The following IL36B variants were observed in gnomAD, a reference collection of about 807,000 sequenced individuals.
IL36B encodes interleukin 36 beta.
A neutral mutation model predicts 19.3 loss-of-function variants in IL36B; 23 were observed. The ratio of observed to expected loss-of-function variants is 1.19; its 90% CI spans 0.86 to 1.69. The LOEUF is 1.69. IL36B is among the 40% of genes most tolerant of loss of function. The probability of loss-of-function intolerance (pLI) is 0.00; values close to 1 mark genes in which losing one functional copy is unlikely to be tolerated. For missense variants in IL36B, 217 were observed against 200.5 expected, an observed-to-expected ratio of 1.08 and a Z score of -0.50; for synonymous variants, 59 against 59.7, an observed-to-expected ratio of 0.99 and a Z score of 0.05.
chr2:113,026,850 T>C (rs745689406), intron 4 of IL36B, among the ~76,000 whole-genome samples: 1 of 152,204 alleles, frequency 6.6e-6, no homozygotes, highest in Non-Finnish European at 1.5e-5. Flanking sequence ...ATATAAATGA[T>C]TTTTTAAAAT....
Position 113,027,421 on chromosome 2 carries a change from A to G in IL36B, c.262-1189T>C. The G allele has an allele frequency of 1.0e-6, 1 of 967,856 alleles. No homozygotes were observed. The highest frequency in any genetic ancestry group is 1.2e-6 in the Non-Finnish European group (1 of 805,360). 60.0% of individuals were successfully genotyped at this position (967,856 alleles called of 1,614,324 possible). A position where few individuals can be genotyped will look rare whatever the true frequency, so the allele number is the denominator to read the frequency against. The stretch of plus-strand genomic sequence containing the variant: ...GTGTGTCAAATTATTAACGAATGAC[A>G]TTAAGAATTCATTAGGATTAGAAAG... On this transcript the variant is annotated intron_variant, in intron 4 of 5. Coordinates refer to ENST00000259213, the MANE Select transcript of IL36B (RefSeq NM_014438.5).
intron 1 of IL36B, among the ~76,000 whole-genome samples, chr2:113,051,480 G>A (rs1315241210): frequency 3.3e-5 from 5 of 152,082 alleles, no homozygotes; most frequent in African/African-American, 1.2e-4. Context: ...GACTGCCCAC[G>A]CGCTCTCTCA....
chr2:113,041,864 T>C (rs1170821447), intron 1 of IL36B, among the ~76,000 whole-genome samples: 1 of 152,226 alleles, frequency 6.6e-6, no homozygotes, highest in African/African-American at 2.4e-5. Context: ...GAGATCCTCC[T>C]GCCTCAGCCT....
At chr2:113,052,429 C>G (rs1685465471) in intron 1 of IL36B, among the ~76,000 whole-genome samples, 3 of 152,174 alleles carry the variant, frequency 2.0e-5, no homozygotes, top group African/African-American at 7.2e-5. Flanking sequence ...GTACCAATAC[C>G]AGGTCCATCT....
At chr2:113,028,379 G>A (rs1276704940) in intron 4 of IL36B, among the ~76,000 whole-genome samples, 3 of 152,160 alleles carry the variant, frequency 2.0e-5, no homozygotes, top group African/African-American at 7.2e-5. Flanking sequence ...ACAGAGGGAG[G>A]TTGAAATCTC....
At chr2:113,046,208 CTTTTTTTT>C (rs1179343491) in intron 1 of IL36B, among the ~76,000 whole-genome samples, 64 of 11,190 alleles carry the variant, frequency 5.7e-3, no homozygotes, top group Non-Finnish European at 8.7e-3. Flanking sequence ...CAGGTTTTTT[CTTTTTTTT>C]TTTTTTTTTT....
At chr2:113,024,596 T>A (rs1684920289) in intron 5 of IL36B, among the ~76,000 whole-genome samples, 1 of 152,150 alleles carries the variant, frequency 6.6e-6, no homozygotes, top group African/African-American at 2.4e-5. Flanking sequence ...TGAGGACACC[T>A]CTTGAGTCTT....
At chr2:113,032,199 G>T (rs556706045) in intron 1 of IL36B, among the ~76,000 whole-genome samples, 1 of 150,136 alleles carries the variant, frequency 6.7e-6, no homozygotes, top group African/African-American at 2.5e-5. Flanking sequence ...CACACAGCAG[G>T]TTAATCACCA....
rs561895607 is a variant in IL36B, at chr2:113,041,362, A to C, written c.-57-9596T>G. Reference sequence around the variant, plus strand: ...CCAGTGGGAGAAAGAGATACCTTTTAAACAAACAGTGCCAGAACAATTAGA... The same window carrying C: ...CCAGTGGGAGAAAGAGATACCTTTTCAACAAACAGTGCCAGAACAATTAGA... On this transcript the variant is annotated intron_variant, in intron 1 of 5. Coordinates refer to ENST00000259213, the MANE Select transcript of IL36B (RefSeq NM_014438.5). 3.9e-5 allele frequency among the ~76,000 whole-genome samples: 6 copies of C among 152,318 alleles called. No individual in the cohort carries two copies. In the East Asian group the frequency reaches 1.2e-3, roughly 29 times the overall value.
At position 113,031,166 on chromosome 2, in the gene IL36B, AC is replaced by A. The variant is rs1424427306; in HGVS notation, c.14-12del. 1.3e-6 allele frequency: 2 copies of A among 1,566,238 alleles called. No homozygotes were observed. The highest frequency in any genetic ancestry group is 2.2e-5 in the South Asian group (2 of 90,088). On this transcript the variant is annotated splice_polypyrimidine_tract_variant and intron_variant, in intron 2 of 5. Transcript: ENST00000259213. ...TGGGTGCTGCCTCCCCTGCCAGATG[AC>A]AAAAATGCACAAAATACACGTGAGG...
In IL36B at chr2:113,026,210, A is replaced by G. The variant is rs201657963; in HGVS notation, c.284T>C (p.Ile95Thr). 303 of 1,613,628 alleles carry G rather than the reference A, an allele frequency of 1.9e-4. No individual in the cohort carries two copies. The highest frequency in any genetic ancestry group is 2.4e-4 in the Non-Finnish European group (278 of 1,179,768). ...TAGTTTCCAGCAAGTGTCCTTCCCT[A>G]TGTTATCTTGGGAGCCCTGAAGCTG... is the stretch of plus-strand genomic sequence containing the variant. The change falls in exon 5 of 6, where the codon ATA becomes ACA. Residue 95 changes from isoleucine (I) to threonine (T), a missense_variant. By Grantham distance (89) the Ile-to-Thr change is moderately conservative. Coordinates refer to ENST00000259213, the MANE Select transcript of IL36B (RefSeq NM_014438.5).
At chr2:113,039,201 G>A (rs564778732) in intron 1 of IL36B, among the ~76,000 whole-genome samples, 1 of 152,256 alleles carries the variant, frequency 6.6e-6, no homozygotes, top group African/African-American at 2.4e-5. Context: ...TGTGAGGGAT[G>A]AGACAGGCAC....
intron 1 of IL36B, among the ~76,000 whole-genome samples, chr2:113,048,451 A>C (rs1049903724): frequency 6.6e-6 from 1 of 152,166 alleles, no homozygotes; most frequent in Non-Finnish European, 1.5e-5. Context: ...CAAACAAAAA[A>C]CAAAAAACAC....
intron 1 of IL36B, among the ~76,000 whole-genome samples, chr2:113,037,373 G>A (rs1685182758): frequency 6.6e-6 from 1 of 152,166 alleles, no homozygotes; most frequent in Non-Finnish European, 1.5e-5. Flanking sequence ...ATTGAGGCTG[G>A]GTGTGGTGGC....
Position 113,041,229 on chromosome 2 carries a change from C to T in IL36B, c.-57-9463G>A, listed in dbSNP as rs36100772. Among the ~76,000 whole-genome samples the T allele has an allele frequency of 9.9e-3, 1,496 of 150,964 alleles. 16 individuals carry two copies. The highest frequency in any genetic ancestry group is 0.014 in the Non-Finnish European group (938 of 67,826). On this transcript the variant is annotated intron_variant, in intron 1 of 5. Coordinates refer to ENST00000259213, the MANE Select transcript of IL36B (RefSeq NM_014438.5). The stretch of plus-strand genomic sequence containing the variant: ...TGGAGAAAGATGATCCAAGAAATCA[C>T]TATCTGTACCACAAAATGACAAAAA...
Position 113,050,228 on chromosome 2 carries a change from G to A in IL36B, c.-58+2589C>T, listed in dbSNP as rs149268541. 2.7e-4 allele frequency among the ~76,000 whole-genome samples: 41 copies of A among 152,130 alleles called. 1 individual carries two copies. In the East Asian group the frequency reaches 6.2e-3, roughly 23 times the overall value. On this transcript the variant is annotated intron_variant, in intron 1 of 5. Coordinates refer to ENST00000259213, the MANE Select transcript of IL36B (RefSeq NM_014438.5). ...CCCAAGTGTCCATCGACAGATGAAC[G>A]AATAAAGAAAATGTGGTACACACAC... is the stretch of plus-strand genomic sequence containing the variant.
At chr2:113,051,117 G>A (rs929350276) in intron 1 of IL36B, among the ~76,000 whole-genome samples, 4 of 152,330 alleles carry the variant, frequency 2.6e-5, no homozygotes, top group African/African-American at 7.2e-5. Flanking sequence ...GCCCCCTGCC[G>A]GTAGATCCTG....
At chr2:113,028,098 G>A in intron 4 of IL36B, 1 of 1,613,920 alleles carries the variant, frequency 6.2e-7, no homozygotes, top group Non-Finnish European at 8.5e-7. Flanking sequence ...CCACATACAG[G>A]TCCATGATAT....
At chr2:113,043,018 C>A (rs1685288412) in intron 1 of IL36B, among the ~76,000 whole-genome samples, 1 of 151,644 alleles carries the variant, frequency 6.6e-6, no homozygotes, top group African/African-American at 2.4e-5. Context: ...TGCAGTTTCC[C>A]AATGACTAAT....
Sources: allele counts gnomAD v4.1 joint callset (sites outside exome capture counted in the v4.1 genomes callset), GRCh38; gene constraint gnomAD v4.1.1; transcripts MANE v1.5; gene names NCBI Gene and HGNC (gene_info 2026-07-23, HGNC 2026-07-21).